The following SPHKAP variants were observed in gnomAD, a reference collection of about 807,000 sequenced individuals.
SPHKAP encodes SPHK1 interactor, AKAP domain containing.
Under a neutral mutation model 137.5 loss-of-function variants are expected in SPHKAP, and 67 were observed. The ratio of observed to expected loss-of-function variants is 0.49; its 90% CI spans 0.40 to 0.60. SPHKAP has a LOEUF of 0.60. Among genes scored for constraint, SPHKAP ranks in the 20% least tolerant of loss-of-function variants. SPHKAP has a pLI of 0.00. For synonymous variants in SPHKAP, 813 were observed against 785.3 expected (o/e 1.04, Z -0.59); for missense variants, 2,097 against 2,069.3 (o/e 1.01, Z -0.26).
At chr2:228,155,243 A>T (rs1384167664) in intron 1 of SPHKAP, among the ~76,000 whole-genome samples, 1 of 151,660 alleles carries the variant, frequency 6.6e-6, no homozygotes, top group East Asian at 1.9e-4. Flanking sequence ...TTTGGGTGAG[A>T]CAAAAGTTCG....
intron 3 of SPHKAP, among the ~76,000 whole-genome samples, chr2:228,060,317 T>A (rs1339974224): frequency 6.6e-6 from 1 of 152,174 alleles, no homozygotes. Context: ...CGCTGGCAAT[T>A]CACTCTTGGT....
chr2:228,016,649 T>C lies in SPHKAP; in HGVS notation c.4205A>G (p.Lys1402Arg). ...GTCCTGGCACGAGGAAGTTTCTTTT[T>C]TAGAATCTAAAGGGCTGTGGTTTGT... ...SLTNHSPLDSKKETSSCQDPV... is the reference protein window; with the variant it reads ...SLTNHSPLDSRKETSSCQDPV... Residue 1402 changes from lysine (K) to arginine (R), a missense_variant, in exon 7 of 12, where the codon AAA becomes AGA. Coordinates refer to ENST00000392056, the MANE Select transcript of SPHKAP (RefSeq NM_001142644.2). 1 of 1,613,732 alleles carries C rather than the reference T, an allele frequency of 6.2e-7. No individual in the cohort carries two copies. Among genetic ancestry groups the C allele is most frequent in the African/African-American group, 1.3e-5 (1 of 74,940 alleles).
At chr2:228,127,297 T>C (rs1377393277) in intron 2 of SPHKAP, among the ~76,000 whole-genome samples, 1 of 152,216 alleles carries the variant, frequency 6.6e-6, no homozygotes, top group African/African-American at 2.4e-5. Context: ...AGAATTAGCT[T>C]GCAATATTAT....
intron 2 of SPHKAP, among the ~76,000 whole-genome samples, chr2:228,120,826 T>A (rs1698879841): frequency 6.6e-6 from 1 of 152,178 alleles, no homozygotes; most frequent in African/African-American, 2.4e-5. Flanking sequence ...AAGTATAAAA[T>A]GCAAGAGTTA....
At chr2:228,115,457 G>A (rs1457825305) in intron 2 of SPHKAP, among the ~76,000 whole-genome samples, 3 of 152,036 alleles carry the variant, frequency 2.0e-5, no homozygotes, top group African/African-American at 4.8e-5. Flanking sequence ...AAAATTTGGT[G>A]CTATCTGGAA....
At chr2:228,044,159 A>G (rs1376426129) in intron 3 of SPHKAP, among the ~76,000 whole-genome samples, 1 of 152,214 alleles carries the variant, frequency 6.6e-6, no homozygotes, top group Non-Finnish European at 1.5e-5. Context: ...ATAATTGAGC[A>G]AACACTTTGT....
At position 227,982,472 on chromosome 2, in the gene SPHKAP, G is replaced by GC. The variant is rs979219852; in HGVS notation, c.4960-613dup. ...CTGGGTATTGGTACCAGTTCTATTG[G>GC]CCACAGCCTAGAGAGAAAGTCTGGA... On this transcript the variant is annotated intron_variant, in intron 11 of 11. Coordinates refer to ENST00000392056, the MANE Select transcript of SPHKAP (RefSeq NM_001142644.2). 11 of 546,816 alleles carry GC rather than the reference G, an allele frequency of 2.0e-5. No homozygotes were observed. In the Admixed American group the frequency reaches 3.2e-4, roughly 16 times the overall value. 33.9% of individuals were successfully genotyped at this position (546,816 alleles called of 1,614,324 possible).
At chr2:228,122,264 G>T (rs10168194) in intron 2 of SPHKAP, among the ~76,000 whole-genome samples, 1,561 of 151,942 alleles carry the variant, frequency 0.01, 20 homozygotes, top group African/African-American at 0.036. Flanking sequence ...TAAGCTATTT[G>T]AAGTTTTCAG....
At chr2:228,111,503 A>T (rs1212122398) in intron 2 of SPHKAP, among the ~76,000 whole-genome samples, 1 of 152,178 alleles carries the variant, frequency 6.6e-6, no homozygotes, top group Non-Finnish European at 1.5e-5. Context: ...AAAATATTTC[A>T]GATGTGTGAT....
intron 7 of SPHKAP, among the ~76,000 whole-genome samples, chr2:228,009,623 A>G (rs1172056966): frequency 6.6e-6 from 1 of 152,080 alleles, no homozygotes; most frequent in Admixed American, 6.5e-5. Context: ...TGGATGTTAC[A>G]TTGCAAGTTT....
intron 2 of SPHKAP, among the ~76,000 whole-genome samples, chr2:228,122,310 AG>A (rs1421994880): frequency 6.6e-6 from 1 of 152,050 alleles, no homozygotes; most frequent in Non-Finnish European, 1.5e-5. Context: ...AAAAGAAAAA[AG>A]TAACAGCCTG....
chr2:228,022,434 T>C (rs756457676), intron 5 of SPHKAP, among the ~76,000 whole-genome samples: 3 of 152,176 alleles, frequency 2.0e-5, no homozygotes, highest in Admixed American at 6.5e-5. Flanking sequence ...TAAACTTTCT[T>C]GTATCTTTAT....
intron 3 of SPHKAP, among the ~76,000 whole-genome samples, chr2:228,091,226 T>A (rs1697719354): frequency 6.6e-6 from 1 of 151,928 alleles, no homozygotes; most frequent in Non-Finnish European, 1.5e-5. Context: ...TATACTAATA[T>A]CAAACAAAAT....
intron 3 of SPHKAP, among the ~76,000 whole-genome samples, chr2:228,047,926 T>A (rs1470432966): frequency 3.3e-5 from 5 of 152,308 alleles, no homozygotes; most frequent in African/African-American, 1.2e-4. Flanking sequence ...TTGAATGAGT[T>A]AATCTAGGAT....
chr2:228,019,592 C>A lies in SPHKAP; in HGVS notation c.1262G>T (p.Ser421Ile), dbSNP rs372199508. Residue 421 changes from serine to isoleucine, a missense_variant, in exon 7 of 12, where the codon AGT becomes ATT. Ser to Ile is a moderately radical substitution (Grantham distance 142, BLOSUM62 -2). Transcript: ENST00000392056. ...QSTLPQESAV[S>I]VSVGSSLLPS... ...AAGCAGAGAACTTCCTACAGAAACA[C>A]TGACTGCAGATTCCTGGGGTAATGT... 1 of 1,614,146 alleles carries A rather than the reference C, an allele frequency of 6.2e-7. No homozygotes were observed. Among genetic ancestry groups the A allele is most frequent in the Non-Finnish European group, 8.5e-7 (1 of 1,180,002 alleles).
At chr2:228,174,658 AC>A (rs1260222782) in intron 1 of SPHKAP, among the ~76,000 whole-genome samples, 1 of 152,214 alleles carries the variant, frequency 6.6e-6, no homozygotes, top group Non-Finnish European at 1.5e-5. Flanking sequence ...ACAAAAAATT[AC>A]CAGCCCTGTT....
intron 3 of SPHKAP, among the ~76,000 whole-genome samples, chr2:228,085,418 A>C (rs915175689): frequency 3.9e-5 from 6 of 152,240 alleles, no homozygotes; most frequent in African/African-American, 1.4e-4. Flanking sequence ...GCTCTCTTGT[A>C]GGCCAATGAC....
chr2:228,055,412 C>G lies in SPHKAP; in HGVS notation c.247-27869G>C, dbSNP rs541944022. Among the ~76,000 whole-genome samples, 5 of 152,168 alleles carry G rather than the reference C, an allele frequency of 3.3e-5. No individual in the cohort carries two copies. In the South Asian group the frequency reaches 1.0e-3, roughly 32 times the overall value. On this transcript the variant is annotated intron_variant, in intron 3 of 11. Coordinates refer to ENST00000392056, the MANE Select transcript of SPHKAP (RefSeq NM_001142644.2). Reference sequence around the variant, plus strand: ...TAATTAACAGCATCACCACCTTTTCCCCCCTCACTGGGGAAGGTTCATTCC... The same window carrying G: ...TAATTAACAGCATCACCACCTTTTCGCCCCTCACTGGGGAAGGTTCATTCC...
chr2:228,029,806 G>A (rs1695209944), intron 3 of SPHKAP, among the ~76,000 whole-genome samples: 1 of 152,140 alleles, frequency 6.6e-6, no homozygotes, highest in African/African-American at 2.4e-5. Context: ...AGCTGGCACT[G>A]GTGGTATTGA....
Sources: gnomAD v4.1 joint callset for allele counts (sites outside exome capture counted in the v4.1 genomes callset) on GRCh38, gnomAD v4.1.1 for gene constraint, MANE v1.5 for transcripts, NCBI Gene and HGNC (gene_info 2026-07-23, HGNC 2026-07-21) for gene names.